Variants in PDE4DIP observed in about 807,000 individuals in gnomAD.
PDE4DIP encodes the protein phosphodiesterase 4D interacting protein, also known as myomegalin.
A neutral mutation model predicts 221.4 loss-of-function variants in PDE4DIP; 59 were observed. The ratio of observed to expected loss-of-function variants is 0.27; its 90% CI spans 0.22 to 0.33. The LOEUF (loss-of-function observed/expected upper bound fraction) is 0.33, where lower values mean the gene tolerates loss of function less well. PDE4DIP is among the 10% of genes least tolerant of loss of function. The probability of loss-of-function intolerance (pLI) is 1.00; values close to 1 mark genes in which losing one functional copy is unlikely to be tolerated. For synonymous variants in PDE4DIP, 404 were observed against 815.9 expected (o/e 0.50, Z 8.60); for missense variants, 1,036 against 2,154.2 (o/e 0.48, Z 10.28).
At chr1:148,968,721 C>A (rs1318587564) in intron 13 of PDE4DIP, 115 bp from the exon 17 acceptor site, 8 of 646,554 alleles carry the variant, frequency 1.2e-5, no homozygotes, top group Non-Finnish European at 1.9e-5. Flanking sequence ...AAACATGATA[C>A]TTATTCTCAA....
At chr1:148,981,141 G>A (rs2061007881) in intron 20 of PDE4DIP, 129 bp from the exon 24 acceptor site, 3 of 796,834 alleles carry the variant, frequency 3.8e-6, no homozygotes. Context: ...CATTTATTGT[G>A]TCCTGGAGAA....
intron 14 of PDE4DIP, among the ~76,000 whole-genome samples, chr1:148,971,016 T>G (rs2059111517): frequency 6.6e-6 from 1 of 151,458 alleles, no homozygotes; most frequent in African/African-American, 2.4e-5. Flanking sequence ...CCTCAGTAAT[T>G]TTAATATCAA....
intron 6 of PDE4DIP, among the ~76,000 whole-genome samples, chr1:148,961,302 T>C (rs1298443242): frequency 6.6e-6 from 1 of 152,162 alleles, no homozygotes; most frequent in Non-Finnish European, 1.5e-5. Flanking sequence ...AGAGAGACTC[T>C]GTCTCAAAAA....
intron 41 of PDE4DIP, among the ~76,000 whole-genome samples, 164 bp downstream of exon 44, chr1:149,028,867 A>T (rs1333163043): frequency 2.0e-5 from 3 of 151,986 alleles, no homozygotes; most frequent in Admixed American, 6.5e-5. Context: ...TCTCTGACCC[A>T]TGGTGGCTGC....
chr1:148,967,200 G>A (rs1210837813), intron 12 of PDE4DIP, among the ~76,000 whole-genome samples: 1 of 151,326 alleles, frequency 6.6e-6, no homozygotes, highest in Non-Finnish European at 1.5e-5. Flanking sequence ...AGGAGAGCCA[G>A]TAAATATTGA....
At chr1:149,015,986 T>C (rs1462213874) in intron 32 of PDE4DIP, among the ~76,000 whole-genome samples, 1 of 143,852 alleles carries the variant, frequency 7.0e-6, no homozygotes, top group Non-Finnish European at 1.5e-5. Context: ...TTTAGAACTT[T>C]CCTTGGAGTC....
At chr1:149,024,124 T>C (rs1244076478) in intron 37 of PDE4DIP, 1 of 170,610 alleles carries the variant, frequency 5.9e-6, no homozygotes, top group Non-Finnish European at 1.2e-5. Flanking sequence ...GCTGACCTTC[T>C]ACCTTGGAGT....
chr1:148,821,755 T>C (rs3843255), intron 1 of PDE4DIP, among the ~76,000 whole-genome samples: 1 of 148,082 alleles, frequency 6.8e-6, no homozygotes, highest in Non-Finnish European at 1.5e-5. Context: ...AGGAACATCA[T>C]ATGATCTGAA....
intron 17 of PDE4DIP, among the ~76,000 whole-genome samples, chr1:148,975,183 T>C (rs4649704): frequency 1.3e-3 from 183 of 145,526 alleles, no homozygotes; most frequent in Non-Finnish European, 2.2e-3. Context: ...AAGATAATAA[T>C]AATAATAATA....
chr1:148,980,192 G>C (rs587678674), intron 20 of PDE4DIP, among the ~76,000 whole-genome samples: 1 of 152,342 alleles, frequency 6.6e-6, no homozygotes, highest in East Asian at 1.9e-4. Context: ...GTTAAAGGCT[G>C]TTCTATTATA....
At chr1:148,821,115 A>T (rs113773335) in intron 1 of PDE4DIP, among the ~76,000 whole-genome samples, 2,533 of 148,132 alleles carry the variant, frequency 0.017, 16 homozygotes, top group African/African-American at 0.062. Context: ...CCTCCCAATG[A>T]TCTGATTTTT....
intron 5 of PDE4DIP, among the ~76,000 whole-genome samples, chr1:148,954,166 AG>A: frequency 6.6e-6 from 1 of 152,332 alleles, no homozygotes; most frequent in East Asian, 1.9e-4. Context: ...AAAAAGGTAA[AG>A]ATTCCTACTT....
intron 5 of PDE4DIP, among the ~76,000 whole-genome samples, chr1:148,951,756 C>G (rs1294145788): frequency 6.6e-6 from 1 of 152,310 alleles, no homozygotes; most frequent in Non-Finnish European, 1.5e-5. Context: ...CTGCTCTGTG[C>G]TTTTTTATCT....
At chr1:148,915,196 G>A (rs1283865907) in intron 1 of PDE4DIP, among the ~76,000 whole-genome samples, 2 of 152,058 alleles carry the variant, frequency 1.3e-5, no homozygotes, top group African/African-American at 4.8e-5. Flanking sequence ...TGCCCAGGCT[G>A]GAGTGCAGTG....
chr1:149,023,384 C>T (rs1454928971), intron 37 of PDE4DIP, among the ~76,000 whole-genome samples: 1 of 150,632 alleles, frequency 6.6e-6, no homozygotes, highest in East Asian at 1.9e-4. Context: ...CACCCTGTTG[C>T]CTTGCTAAAA....
At chr1:149,015,264 ATACTTTCT>A (rs1484853213) in intron 32 of PDE4DIP, among the ~76,000 whole-genome samples, 1 of 151,720 alleles carries the variant, frequency 6.6e-6, no homozygotes, top group Admixed American at 6.6e-5. Flanking sequence ...ATATGTTTCC[ATACTTTCT>A]CAGGTGATTC....
intron 23 of PDE4DIP, among the ~76,000 whole-genome samples, chr1:149,000,076 G>T (rs1434978083): frequency 6.6e-6 from 1 of 151,838 alleles, no homozygotes; most frequent in Admixed American, 6.6e-5. Context: ...CTCACAGATT[G>T]TCTGTATCCT....
At chr1:148,930,524 A>G (rs1165014414) in intron 2 of PDE4DIP, 1 of 151,960 alleles carries the variant, frequency 6.6e-6, no homozygotes, top group African/African-American at 2.4e-5. Flanking sequence ...CTCAAAAAAA[A>G]AAAATCAGTA....
intron 5 of PDE4DIP, chr1:148,952,205 C>T (rs1290710889): frequency 2.9e-6 from 3 of 1,035,800 alleles, no homozygotes; most frequent in African/African-American, 1.7e-5. Flanking sequence ...GCCAGTAGTG[C>T]TTTCTGCTCC....
Sources: gnomAD v4.1 joint callset for allele counts (sites outside exome capture counted in the v4.1 genomes callset) on GRCh38, gnomAD v4.1.1 for gene constraint, MANE v1.5 for transcripts, NCBI Gene and HGNC (gene_info 2026-07-23, HGNC 2026-07-21) for gene names.